Variants in PAK1 observed in about 807,000 individuals in gnomAD.
The protein encoded by PAK1 is p21 (RAC1) activated kinase 1, also known as serine/threonine-protein kinase PAK 1.
PAK1 carries 29 observed loss-of-function variants against 67.4 expected under a neutral mutation model. The ratio of observed to expected loss-of-function variants is 0.43; its 90% CI spans 0.32 to 0.59. The LOEUF (loss-of-function observed/expected upper bound fraction) is 0.59. Among genes scored for constraint, PAK1 ranks in the 20% least tolerant of loss-of-function variants. The pLI is 0.07. For synonymous variants in PAK1, 223 were observed against 237.4 expected, an observed-to-expected ratio of 0.94 and a Z score of 0.56; for missense variants, 337 against 670.7, an observed-to-expected ratio of 0.50 and a Z score of 5.50.
At chr11:77,337,877 T>C (rs1399288564) in intron 11 of PAK1, among the ~76,000 whole-genome samples, 3 of 152,216 alleles carry the variant, frequency 2.0e-5, no homozygotes, top group Admixed American at 6.5e-5. Context: ...GGTGAGGAGA[T>C]ATTTTGTACT....
At chr11:77,396,437 C>T (rs1951839806) in intron 1 of PAK1, among the ~76,000 whole-genome samples, 1 of 152,228 alleles carries the variant, frequency 6.6e-6, no homozygotes. Context: ...CCCCTCTCCC[C>T]TGCTAGACAT....
At chr11:77,340,882 T>C (rs1478923105) in intron 10 of PAK1, 119 bp from the exon 11 acceptor site, 5 of 696,102 alleles carry the variant, frequency 7.2e-6, no homozygotes, top group South Asian at 1.7e-5. Flanking sequence ...CAAAGTAAAG[T>C]AAAAGGTTCT....
chr11:77,416,600 G>T (rs534573008), intron 1 of PAK1, among the ~76,000 whole-genome samples: 19 of 152,206 alleles, frequency 1.2e-4, no homozygotes, highest in Admixed American at 4.6e-4. Flanking sequence ...ACAACAAAAA[G>T]AATAATAAAT....
At chr11:77,376,834 G>A (rs1187015136) in intron 4 of PAK1, among the ~76,000 whole-genome samples, 1 of 152,084 alleles carries the variant, frequency 6.6e-6, no homozygotes, top group Non-Finnish European at 1.5e-5. Context: ...CAGCAAAGGA[G>A]TTAAAGGCCC....
At chr11:77,413,963 T>C (rs765684723) in intron 1 of PAK1, among the ~76,000 whole-genome samples, 11 of 152,196 alleles carry the variant, frequency 7.2e-5, no homozygotes, top group Admixed American at 6.5e-5. Context: ...TCCCACCCCA[T>C]GCAGCATCCT....
chr11:77,328,830 T>C (rs1285047066), intron 14 of PAK1, among the ~76,000 whole-genome samples: 1 of 151,980 alleles, frequency 6.6e-6, no homozygotes, highest in African/African-American at 2.4e-5. Context: ...CTTCAAAAAA[T>C]TAATGAATCC....
intron 10 of PAK1, among the ~76,000 whole-genome samples, chr11:77,342,632 C>T (rs1943781501): frequency 6.6e-6 from 1 of 152,202 alleles, no homozygotes; most frequent in Non-Finnish European, 1.5e-5. Flanking sequence ...TAAGGAGACA[C>T]AGCCATCTCA....
At chr11:77,372,083 G>A (rs1948509099) in intron 5 of PAK1, among the ~76,000 whole-genome samples, 1 of 152,206 alleles carries the variant, frequency 6.6e-6, no homozygotes, top group South Asian at 2.1e-4. Flanking sequence ...TTGTACATAA[G>A]TAATTGTGAG....
chr11:77,481,393 T>C, the PAK1 span, among the ~76,000 whole-genome samples: 2,767 of 152,252 alleles, frequency 0.018, 78 homozygotes, highest in African/African-American at 0.064. Context: ...ATTGTATCTT[T>C]AGGCCAGGCA....
the PAK1 span, among the ~76,000 whole-genome samples, chr11:77,501,160 A>AAC: frequency 6.7e-6 from 1 of 148,430 alleles, no homozygotes; most frequent in Non-Finnish European, 1.5e-5. Flanking sequence ...CAAAAAAAAA[A>AAC]ACAAAAAACA....
intron 10 of PAK1, among the ~76,000 whole-genome samples, chr11:77,342,621 T>C (rs1237474598): frequency 6.6e-6 from 1 of 152,202 alleles, no homozygotes; most frequent in Non-Finnish European, 1.5e-5. Context: ...AGGACCCACA[T>C]TAAGGAGACA....
intron 1 of PAK1, among the ~76,000 whole-genome samples, chr11:77,438,489 A>G (rs1956223376): frequency 6.6e-6 from 1 of 152,166 alleles, no homozygotes; most frequent in African/African-American, 2.4e-5. Flanking sequence ...TGCTCTATAA[A>G]TGTTTGTGGA....
the PAK1 span, among the ~76,000 whole-genome samples, chr11:77,502,024 A>G: frequency 6.6e-6 from 1 of 152,182 alleles, no homozygotes; most frequent in Non-Finnish European, 1.5e-5. Flanking sequence ...GGGCATTTAA[A>G]TGTTTTCACC....
chr11:77,529,711 A>ATG, the PAK1 span, among the ~76,000 whole-genome samples: 105 of 152,320 alleles, frequency 6.9e-4, 1 homozygote, highest in South Asian at 0.021. Context: ...AAAGGAGAAG[A>ATG]TGTTTAGCAG....
chr11:77,343,570 G>A (rs1943963062), intron 10 of PAK1, among the ~76,000 whole-genome samples: 1 of 152,186 alleles, frequency 6.6e-6, no homozygotes, highest in Non-Finnish European at 1.5e-5. Flanking sequence ...GTTTCCCTTA[G>A]GCAAAACAAA....
Position 77,358,883 on chromosome 11 carries a change from T to A in PAK1, c.597+15A>T. 6.2e-7 allele frequency: 1 copy of A among 1,612,750 alleles called. No homozygotes were observed. Among genetic ancestry groups the A allele is most frequent in the Non-Finnish European group, 8.5e-7 (1 of 1,179,054 alleles). On this transcript the variant is annotated intron_variant, in intron 6 of 14. Coordinates refer to ENST00000356341, the MANE Select transcript of PAK1 (RefSeq NM_002576.5). Reference sequence around the variant, plus strand: ...CTAATAAATCACAAAACTGGCCAGGTCCCCAAAGACTCACAGATTTTGTGT... The same window carrying A: ...CTAATAAATCACAAAACTGGCCAGGACCCCAAAGACTCACAGATTTTGTGT...
chr11:77,371,668 T>C (rs1356284480), intron 5 of PAK1, among the ~76,000 whole-genome samples: 1 of 152,216 alleles, frequency 6.6e-6, no homozygotes, highest in African/African-American at 2.4e-5. Context: ...AATAATGACA[T>C]GCTACCATAA....
chr11:77,326,265 C>T (rs1022056554), intron 14 of PAK1, among the ~76,000 whole-genome samples: 5 of 152,142 alleles, frequency 3.3e-5, no homozygotes, highest in Non-Finnish European at 5.9e-5. Flanking sequence ...CCTAGTAAAC[C>T]CCTGACTCCG....
At chr11:77,398,790 A>G (rs1411420694) in intron 1 of PAK1, among the ~76,000 whole-genome samples, 1 of 152,172 alleles carries the variant, frequency 6.6e-6, no homozygotes, top group Admixed American at 6.5e-5. Flanking sequence ...ACTCTCTGCC[A>G]AAGGATTTTC....
Sources: gnomAD v4.1 joint callset for allele counts (sites outside exome capture counted in the v4.1 genomes callset) on GRCh38, gnomAD v4.1.1 for gene constraint, MANE v1.5 for transcripts, NCBI Gene and HGNC (gene_info 2026-07-23, HGNC 2026-07-21) for gene names.